The following GABBR2 variants were observed in gnomAD, a reference collection of about 807,000 sequenced individuals.
GABBR2 encodes gamma-aminobutyric acid type B receptor subunit 2.
A neutral mutation model predicts 105.6 loss-of-function variants in GABBR2; 23 were observed. That is an observed-to-expected ratio of 0.22 (90% CI 0.16 to 0.31). The LOEUF (loss-of-function observed/expected upper bound fraction) is 0.31, where lower values mean the gene tolerates loss of function less well. GABBR2 is among the 10% of genes least tolerant of loss of function. The pLI, the probability that GABBR2 is intolerant of heterozygous loss-of-function variation, is 1.00. For missense variants in GABBR2, 734 were observed against 1,245.5 expected (o/e 0.59, Z 6.18); for synonymous variants, 478 against 499.7 (o/e 0.96, Z 0.58).
chr9:98,513,382 C>T (rs1462413867), intron 3 of GABBR2, among the ~76,000 whole-genome samples: 1 of 152,070 alleles, frequency 6.6e-6, no homozygotes, highest in Non-Finnish European at 1.5e-5. Context: ...AAAGCAATGG[C>T]AACAAAAGCC....
In GABBR2 at chr9:98,293,869, T is replaced by A; in HGVS notation, c.2576A>T (p.Asp859Val). 1 of 1,612,508 alleles carries A rather than the reference T, an allele frequency of 6.2e-7. No individual in the cohort carries two copies. Among genetic ancestry groups the A allele is most frequent in the South Asian group, 1.1e-5 (1 of 91,036 alleles). The change falls in exon 18 of 19, where the codon GAT becomes GTT. Residue 859 changes from aspartate to valine, a missense_variant. By Grantham distance (152) the Asp-to-Val change is radical. Around this residue, in one of 7 missense-constraint regions of GABBR2, gnomAD observed 134 missense variants for 171.2 expected, o/e 0.78. Coordinates refer to ENST00000259455, the MANE Select transcript of GABBR2 (RefSeq NM_005458.8). ...GGKAILKNHLDQNPQLQWNTT... is the reference protein window; with the variant it reads ...GGKAILKNHLVQNPQLQWNTT... ...GTTCCACTGTAGCTGGGGATTTTGA[T>A]CGAGGTGATTTTTTAAAATGGCCTT...
chr9:98,450,605 C>T (rs543986626), intron 7 of GABBR2, among the ~76,000 whole-genome samples: 7 of 152,150 alleles, frequency 4.6e-5, no homozygotes, highest in Non-Finnish European at 7.3e-5. Flanking sequence ...CATCTTGCTG[C>T]GTGGCTCTGA....
At chr9:98,608,734 T>C (rs1275761027) in intron 1 of GABBR2, among the ~76,000 whole-genome samples, 1 of 152,230 alleles carries the variant, frequency 6.6e-6, no homozygotes, top group Admixed American at 6.5e-5. Context: ...TTTAAATATA[T>C]ATTATTCTCA....
Position 98,290,507 on chromosome 9 carries a change from A to T in GABBR2, c.*77T>A. 1 of 1,062,188 alleles carries T rather than the reference A, an allele frequency of 9.4e-7. No individual in the cohort carries two copies. Among genetic ancestry groups the T allele is most frequent in the Non-Finnish European group, 1.2e-6 (1 of 810,924 alleles). 65.8% of individuals were successfully genotyped at this position (1,062,188 alleles called of 1,614,324 possible). A position where few individuals can be genotyped will look rare whatever the true frequency, so the allele number is the denominator to read the frequency against. On this transcript the variant is annotated 3_prime_UTR_variant, in exon 19 of 19. Transcript: ENST00000259455. Reference sequence around the variant, plus strand: ...CCCAGCTTCTCCGCAGCCAGAGCCGACAGTGTTTCTGCAGCAGACCCCTCT... The same window carrying T: ...CCCAGCTTCTCCGCAGCCAGAGCCGTCAGTGTTTCTGCAGCAGACCCCTCT...
At chr9:98,446,038 G>C (rs1213640363) in intron 7 of GABBR2, among the ~76,000 whole-genome samples, 1 of 152,212 alleles carries the variant, frequency 6.6e-6, no homozygotes, top group Non-Finnish European at 1.5e-5. Context: ...GGCCACAGGA[G>C]AGAACTCAAG....
rs557577653 is a variant in GABBR2 at position 98,389,924 on chromosome 9, C to T, written c.1379-920G>A. Among the ~76,000 whole-genome samples the T allele has an allele frequency of 5.3e-5, 8 of 152,150 alleles. No homozygotes were observed. The East Asian group carries it at 1.5e-3, about 29-fold the overall frequency. On this transcript the variant is annotated intron_variant, in intron 9 of 18. Coordinates refer to ENST00000259455, the MANE Select transcript of GABBR2 (RefSeq NM_005458.8). ...AATCAGCCGGATGTTACAAAGTAGC[C>T]AAGCCTGGGAATCTGGGAGCCCCAC...
chr9:98,553,873 A>C (rs1485303325), intron 2 of GABBR2, among the ~76,000 whole-genome samples: 1 of 152,240 alleles, frequency 6.6e-6, no homozygotes, highest in Non-Finnish European at 1.5e-5. Flanking sequence ...GTCCCTGCTC[A>C]TTCTGCAGAG....
At chr9:98,618,378 T>C (rs986675302) in intron 1 of GABBR2, among the ~76,000 whole-genome samples, 15 of 152,122 alleles carry the variant, frequency 9.9e-5, no homozygotes, top group Admixed American at 8.5e-4. Context: ...GATGAAAGCA[T>C]GTTAGGATGA....
chr9:98,530,157 G>A (rs755781252), intron 3 of GABBR2, among the ~76,000 whole-genome samples: 15 of 152,340 alleles, frequency 9.8e-5, no homozygotes, highest in Non-Finnish European at 2.1e-4. Flanking sequence ...CCCGGGAAGG[G>A]TGGTAGGAGC....
At chr9:98,433,736 GGGCCACAGC>G (rs1825851135) in intron 7 of GABBR2, among the ~76,000 whole-genome samples, 1 of 151,990 alleles carries the variant, frequency 6.6e-6, no homozygotes, top group Non-Finnish European at 1.5e-5. Context: ...ATGATTCCTG[GGGCCACAGC>G]CCCCAGACAA....
At position 98,661,393 on chromosome 9, in the gene GABBR2, C is replaced by T. The variant is rs10217283; in HGVS notation, c.321+47024G>A. On this transcript the variant is annotated intron_variant, in intron 1 of 18. Coordinates refer to ENST00000259455, the MANE Select transcript of GABBR2 (RefSeq NM_005458.8). ...TTATTTTTCCTTTTGTGTATTGAGA[C>T]GTGTTGACTTTTCCCCCACCCCCCC... is the stretch of plus-strand genomic sequence containing the variant. 8.6e-3 allele frequency among the ~76,000 whole-genome samples: 1,302 copies of T among 151,958 alleles called. 7 individuals carry two copies. Among genetic ancestry groups the T allele is most frequent in the South Asian group, 0.025 (118 of 4,800 alleles).
intron 1 of GABBR2, among the ~76,000 whole-genome samples, chr9:98,628,275 C>T (rs1471382515): frequency 2.0e-5 from 3 of 152,204 alleles, no homozygotes; most frequent in Admixed American, 2.0e-4. Context: ...GACTCCAAAG[C>T]CACTCCTCCA....
chr9:98,703,798 T>C (rs1347299284), intron 1 of GABBR2, among the ~76,000 whole-genome samples: 1 of 100,072 alleles, frequency 1.0e-5, no homozygotes, highest in Non-Finnish European at 2.2e-5. Flanking sequence ...TCAGTCTATC[T>C]TTTTATTTTT....
intron 7 of GABBR2, among the ~76,000 whole-genome samples, chr9:98,418,988 G>A (rs1426696505): frequency 6.6e-6 from 1 of 152,198 alleles, no homozygotes; most frequent in Non-Finnish European, 1.5e-5. Flanking sequence ...AATAGATTAG[G>A]CTCCACCAGG....
chr9:98,641,407 G>A (rs187509245), intron 1 of GABBR2, among the ~76,000 whole-genome samples: 14 of 151,886 alleles, frequency 9.2e-5, no homozygotes, highest in Non-Finnish European at 7.4e-5. Context: ...CAAAGTGCTC[G>A]GATTACAGGC....
chr9:98,595,198 G>A (rs914480165), intron 1 of GABBR2, among the ~76,000 whole-genome samples: 5 of 152,094 alleles, frequency 3.3e-5, no homozygotes, highest in African/African-American at 7.2e-5. Context: ...TATGGACAGC[G>A]CCTTCTGGCT....
intron 7 of GABBR2, among the ~76,000 whole-genome samples, chr9:98,432,745 CT>C (rs1825835737): frequency 6.6e-6 from 1 of 152,158 alleles, no homozygotes; most frequent in African/African-American, 2.4e-5. Context: ...CTGAGGGTCT[CT>C]TTGACCATGC....
chr9:98,614,549 G>A (rs1442120732), intron 1 of GABBR2, among the ~76,000 whole-genome samples: 1 of 151,960 alleles, frequency 6.6e-6, no homozygotes, highest in South Asian at 2.1e-4. Context: ...AATTAATTAA[G>A]TAAATAAAAG....
At chr9:98,412,813 G>A (rs1208352465) in intron 7 of GABBR2, among the ~76,000 whole-genome samples, 3 of 152,202 alleles carry the variant, frequency 2.0e-5, no homozygotes, top group Non-Finnish European at 4.4e-5. Context: ...AGAGCCCTGC[G>A]CTTCCAGAAG....
Sources: allele counts gnomAD v4.1 joint callset (sites outside exome capture counted in the v4.1 genomes callset), GRCh38; gene constraint gnomAD v4.1.1; regional missense constraint gnomAD v4.1.1; transcripts MANE v1.5; gene names NCBI Gene and HGNC (gene_info 2026-07-23, HGNC 2026-07-21).